The following MGA variants were observed in gnomAD, a reference collection of about 807,000 sequenced individuals.
The protein encoded by MGA is MAX gene-associated protein.
Under a neutral mutation model 261.1 loss-of-function variants are expected in MGA, and 40 were observed. The ratio of observed to expected loss-of-function variants is 0.15; its 90% CI spans 0.12 to 0.20. The LOEUF (loss-of-function observed/expected upper bound fraction) is 0.20, where lower values mean the gene tolerates loss of function less well. Among genes scored for constraint, MGA ranks in the 10% least tolerant of loss-of-function variants. MGA has a pLI of 1.00. For synonymous variants in MGA, 1,302 were observed against 1,290.6 expected (o/e 1.01, Z -0.19); for missense variants, 3,397 against 3,630.5 (o/e 0.94, Z 1.65).
Position 41,749,098 on chromosome 15 carries a change from T to C in MGA, c.5504-13T>C. The C allele has an allele frequency of 6.3e-7, 1 of 1,592,672 alleles. No individual in the cohort carries two copies. Among genetic ancestry groups the C allele is most frequent in the Non-Finnish European group, 8.5e-7 (1 of 1,170,130 alleles). ...TCATGATTTAAAAATTTCTCTCTTA[T>C]TTTTTAAACCAGGGTCTGTGATGGG... On this transcript the variant is annotated splice_polypyrimidine_tract_variant and intron_variant, in intron 16 of 23. Coordinates refer to ENST00000219905, the MANE Select transcript of MGA (RefSeq NM_001164273.2).
At chr15:41,729,063 C>T (rs1054054278) in intron 10 of MGA, 101 bp from the exon 11 acceptor site, 4 of 1,213,044 alleles carry the variant, frequency 3.3e-6, no homozygotes, top group African/African-American at 1.5e-5. Context: ...TAAAAAATTT[C>T]GACTGTTGTA....
rs35690314 is a variant in MGA at position 41,722,122 on chromosome 15, ATTTTTTTTTTT to A, written c.3431-5043_3431-5033del. Among the ~76,000 whole-genome samples, 3 of 87,700 alleles carry A rather than the reference ATTTTTTTTTTT, an allele frequency of 3.4e-5. No homozygotes were observed. In the East Asian group the frequency reaches 1.2e-3, roughly 34 times the overall value. The allele number at this position is 87,700 out of a possible 152,430, so 57.5% of individuals were successfully genotyped here. A position where few individuals can be genotyped will look rare whatever the true frequency, so the allele number is the denominator to read the frequency against. ...TAATATAAACTTTTAAAGTAGGCCA[ATTTTTTTTTTT>A]TTTTTTTTTTTTTTGAGACGGAGTC... On this transcript the variant is annotated intron_variant, in intron 9 of 23. Transcript: ENST00000219905.
intron 1 of MGA, among the ~76,000 whole-genome samples, chr15:41,633,700 G>A (rs1022765162): frequency 4.6e-5 from 7 of 152,164 alleles, no homozygotes; most frequent in Non-Finnish European, 1.0e-4. Flanking sequence ...TGGGATTACA[G>A]GTGTGAGCCA....
chr15:41,699,267 T>A, intron 5 of MGA, 108 bp downstream of exon 5: 1 of 724,198 alleles, frequency 1.4e-6, no homozygotes, highest in East Asian at 3.0e-5. Context: ...TGTTTTTTCC[T>A]CTTTCTTTCT....
chr15:41,715,151 T>TC (rs976812272), intron 9 of MGA, among the ~76,000 whole-genome samples: 3 of 149,430 alleles, frequency 2.0e-5, no homozygotes, highest in Non-Finnish European at 4.5e-5. Context: ...TTTTTTTTTT[T>TC]TCTTTTTTCT....
intron 5 of MGA, among the ~76,000 whole-genome samples, chr15:41,703,095 T>A (rs2059931573): frequency 6.6e-6 from 1 of 152,192 alleles, no homozygotes; most frequent in Non-Finnish European, 1.5e-5. Flanking sequence ...TTTTACCCAA[T>A]GTCCTTTTTT....
chr15:41,702,789 C>T (rs2059917028), intron 5 of MGA, among the ~76,000 whole-genome samples: 1 of 152,152 alleles, frequency 6.6e-6, no homozygotes, highest in Non-Finnish European at 1.5e-5. Context: ...CTGAAATTAT[C>T]GTCTGTCTTT....
At chr15:41,633,181 C>T (rs1037599173) in intron 1 of MGA, among the ~76,000 whole-genome samples, 6 of 151,976 alleles carry the variant, frequency 3.9e-5, no homozygotes, top group Admixed American at 1.3e-4. Flanking sequence ...GATCTCCTGA[C>T]CTTGTGATCC....
chr15:41,727,130 A>T (rs1320079278), intron 9 of MGA, 50 bp from the exon 10 acceptor site: 9 of 1,469,554 alleles, frequency 6.1e-6, no homozygotes, highest in Non-Finnish European at 8.3e-6. Context: ...CTCAGTATTG[A>T]TCTTTTGTTG....
At chr15:41,717,222 T>C (rs189262838) in intron 9 of MGA, among the ~76,000 whole-genome samples, 1 of 152,336 alleles carries the variant, frequency 6.6e-6, no homozygotes, top group East Asian at 1.9e-4. Flanking sequence ...TATCACCTGC[T>C]TATCCTTTGG....
intron 2 of MGA, 118 bp downstream of exon 2, chr15:41,670,076 A>G (rs760760728): frequency 2.5e-6 from 2 of 785,784 alleles, no homozygotes; most frequent in Non-Finnish European, 4.0e-6. Flanking sequence ...AAGCCACTAT[A>G]AAATATACTA....
upstream of MGA, among the ~76,000 whole-genome samples, chr15:41,656,839 C>T (rs1416022709): frequency 1.3e-5 from 2 of 152,118 alleles, no homozygotes; most frequent in Non-Finnish European, 1.5e-5. Flanking sequence ...TGCAGTGGCA[C>T]AATCACAGCT....
chr15:41,694,651 C>T (rs1040090768), intron 2 of MGA, among the ~76,000 whole-genome samples: 11 of 151,750 alleles, frequency 7.2e-5, no homozygotes, highest in Admixed American at 2.6e-4. Context: ...CTCAGCCTCC[C>T]GAGTAGCTGG....
chr15:41,691,215 A>G (rs2059268916), intron 2 of MGA, among the ~76,000 whole-genome samples: 1 of 152,088 alleles, frequency 6.6e-6, no homozygotes, highest in Admixed American at 6.5e-5. Flanking sequence ...ATTTGTTTCA[A>G]CAGTGTTTTA....
chr15:41,749,818 G>T lies in MGA; in HGVS notation c.6211G>T (p.Ala2071Ser). ...TAAAGATGTTAATGAAGAATATGGG[G>T]CTAGGAATCGTAAGAGTTCCAAAGA... is the stretch of plus-strand genomic sequence containing the variant. The change falls in exon 17 of 24, where the codon GCT becomes TCT. Residue 2071 changes from alanine (A) to serine (S), a missense_variant. By Grantham distance (99) the Ala-to-Ser change is moderately conservative (BLOSUM62 1). Around this residue, in one of 9 missense-constraint regions of MGA, gnomAD observed 1,410 missense variants for 1,386.4 expected, o/e 1.02. Coordinates refer to ENST00000219905, the MANE Select transcript of MGA (RefSeq NM_001164273.2). 1 of 1,613,930 alleles carries T rather than the reference G, an allele frequency of 6.2e-7. No homozygotes were observed. The highest frequency in any genetic ancestry group is 2.2e-5 in the East Asian group (1 of 44,876).
chr15:41,737,617 G>T (rs1255984119), intron 13 of MGA, among the ~76,000 whole-genome samples: 3 of 152,166 alleles, frequency 2.0e-5, no homozygotes, highest in Non-Finnish European at 4.4e-5. Flanking sequence ...CACGCAGGTT[G>T]TATTAGTAAA....
intron 1 of MGA, among the ~76,000 whole-genome samples, chr15:41,644,826 A>G (rs890072779): frequency 4.6e-5 from 7 of 152,212 alleles, no homozygotes; most frequent in African/African-American, 1.7e-4. Context: ...CCAGTGTTGT[A>G]TAGCTAATCA....
chr15:41,652,614 C>T (rs78119742), intron 1 of MGA, among the ~76,000 whole-genome samples: 5,724 of 151,368 alleles, frequency 0.038, 154 homozygotes, highest in Non-Finnish European at 0.056. Flanking sequence ...TCAAGTGATC[C>T]TCCTGTCTTG....
At position 41,736,163 on chromosome 15, in the gene MGA, A is replaced by T. The variant is rs1186470567; in HGVS notation, c.3917-18A>T. 6.8e-7 allele frequency: 1 copy of T among 1,480,334 alleles called. No homozygotes were observed. The highest frequency in any genetic ancestry group is 9.0e-7 in the Non-Finnish European group (1 of 1,115,342). 91.7% of individuals were successfully genotyped at this position (1,480,334 alleles called of 1,614,324 possible). ...ATAATCTTTCAACTTTTTCTTTTTT[A>T]TTATTATTTTACATCAGAAAAGAGC... On this transcript the variant is annotated intron_variant, in intron 12 of 23. Transcript: ENST00000219905.
Sources: gnomAD v4.1 joint callset for allele counts (sites outside exome capture counted in the v4.1 genomes callset) on GRCh38, gnomAD v4.1.1 for gene constraint, gnomAD v4.1.1 regional missense constraint, MANE v1.5 for transcripts, NCBI Gene and HGNC (gene_info 2026-07-23, HGNC 2026-07-21) for gene names.